The following DISP1 variants were observed in gnomAD, a reference collection of about 807,000 sequenced individuals.
DISP1 encodes the protein protein dispatched homolog 1.
DISP1 carries 30 observed loss-of-function variants against 37.3 expected under a neutral mutation model. The observed-to-expected ratio is 0.80, with a 90% confidence interval of 0.60 to 1.09. The LOEUF is 1.09. Ranked by LOEUF, DISP1 falls within the 50% of genes least tolerant of loss-of-function variation. DISP1 has a pLI of 0.00. For synonymous variants in DISP1, 634 were observed against 690.2 expected, an observed-to-expected ratio of 0.92 and a Z score of 1.28; for missense variants, 1,598 against 1,879.5, an observed-to-expected ratio of 0.85 and a Z score of 2.77.
intron 1 of DISP1, among the ~76,000 whole-genome samples, chr1:222,906,978 A>C (rs1375119033): frequency 6.6e-6 from 1 of 152,156 alleles, no homozygotes; most frequent in Non-Finnish European, 1.5e-5. Context: ...GAAGATTTTG[A>C]CCTTGGTCTT....
In DISP1 at chr1:222,869,524, C is replaced by A. The variant is rs183504852; in HGVS notation, c.-159+54446C>A. On this transcript the variant is annotated intron_variant, in intron 1 of 8. Transcript: ENST00000675850. ...CAAATTAATATCTTTAGTTTGTAAC[C>A]AAGACTTGATTCAAGCACTGCATTT... Among the ~76,000 whole-genome samples, 969 of 151,884 alleles carry A rather than the reference C, an allele frequency of 6.4e-3. 5 individuals carry two copies. The highest frequency in any genetic ancestry group is 9.0e-3 in the Non-Finnish European group (613 of 67,962).
chr1:223,003,150 A>G lies in DISP1; in HGVS notation c.1753A>G (p.Lys585Glu). 5 of 1,614,242 alleles carry G rather than the reference A, an allele frequency of 3.1e-6. No homozygotes were observed. Among genetic ancestry groups the G allele is most frequent in the Non-Finnish European group, 4.2e-6 (5 of 1,180,048 alleles). Residue 585 changes from lysine to glutamate, a missense_variant, in exon 9 of 9, where the codon AAA (lysine) becomes GAA (glutamate). Transcript: ENST00000675850. The surrounding 1 kb of genome is among the most constrained non-coding windows in gnomAD (Gnocchi z 4.3). ...CCTGTGTGATGTTTGGAACTACACAAAATTTGATAAGCCTCATGCCGAAAC... is the reference window on the plus strand; with the variant it reads ...CCTGTGTGATGTTTGGAACTACACAGAATTTGATAAGCCTCATGCCGAAAC... Reference protein sequence around the residue: ...FVLCDVWNYTKFDKPHAETSE... With the variant: ...FVLCDVWNYTEFDKPHAETSE...
At chr1:222,980,805 C>T (rs1677777894) in intron 3 of DISP1, among the ~76,000 whole-genome samples, 1 of 152,212 alleles carries the variant, frequency 6.6e-6, no homozygotes, top group Non-Finnish European at 1.5e-5. Flanking sequence ...AAGTTCTTGG[C>T]TGGGCACAGT....
chr1:222,997,226 GAGATTTATA>G, intron 8 of DISP1, among the ~76,000 whole-genome samples: 1 of 152,104 alleles, frequency 6.6e-6, no homozygotes, highest in East Asian at 1.9e-4. Context: ...AGCTAAGGAT[GAGATTTATA>G]CTAATGCACA....
intron 1 of DISP1, among the ~76,000 whole-genome samples, chr1:222,857,813 T>TA (rs1298149212): frequency 6.6e-6 from 1 of 152,108 alleles, no homozygotes; most frequent in Non-Finnish European, 1.5e-5. Flanking sequence ...ATTCCATGCA[T>TA]ATGGATAGGA....
chr1:222,960,452 C>G (rs1390794624), intron 3 of DISP1, among the ~76,000 whole-genome samples: 1 of 152,150 alleles, frequency 6.6e-6, no homozygotes, highest in Admixed American at 6.5e-5. Context: ...GCTAGAATCT[C>G]TGGGACACAG....
intron 6 of DISP1, 59 bp from the exon 7 acceptor site, chr1:222,991,954 C>A: frequency 1.5e-6 from 2 of 1,338,066 alleles, no homozygotes; most frequent in Non-Finnish European, 2.1e-6. Flanking sequence ...TTCCAGTATG[C>A]TTATCAGCTT....
chr1:222,915,989 A>G (rs933909639), intron 1 of DISP1, among the ~76,000 whole-genome samples: 17 of 152,160 alleles, frequency 1.1e-4, no homozygotes, highest in African/African-American at 4.1e-4. Flanking sequence ...TGTCATGGCA[A>G]TTTTCATTAT....
chr1:222,847,793 AT>A (rs903942418), intron 1 of DISP1, among the ~76,000 whole-genome samples: 1 of 151,488 alleles, frequency 6.6e-6, no homozygotes, highest in Non-Finnish European at 1.5e-5. Flanking sequence ...CTCCCAGTGA[AT>A]TTTTTTTTGA....
At chr1:222,925,434 C>T (rs534278280) in intron 1 of DISP1, among the ~76,000 whole-genome samples, 1 of 152,086 alleles carries the variant, frequency 6.6e-6, no homozygotes, top group South Asian at 2.1e-4. Flanking sequence ...TGTTAAAATA[C>T]CTTCATTTTT....
At chr1:222,816,848 TG>T (rs1661364239) in intron 1 of DISP1, among the ~76,000 whole-genome samples, 1 of 151,398 alleles carries the variant, frequency 6.6e-6, no homozygotes, top group African/African-American at 2.4e-5. Context: ...TGTTAATTTC[TG>T]TATATGTCTC....
intron 1 of DISP1, among the ~76,000 whole-genome samples, chr1:222,909,620 G>A (rs1010528178): frequency 2.6e-5 from 4 of 152,100 alleles, no homozygotes; most frequent in East Asian, 1.9e-4. Context: ...TGAAGTTCTC[G>A]TTTCAACACC....
intron 3 of DISP1, among the ~76,000 whole-genome samples, chr1:222,955,960 T>C (rs1291475293): frequency 1.3e-5 from 2 of 152,240 alleles, no homozygotes; most frequent in African/African-American, 4.8e-5. Flanking sequence ...ATTTGAATGG[T>C]ACAGGGTTGT....
intron 8 of DISP1, among the ~76,000 whole-genome samples, chr1:222,996,214 A>C (rs543240978): frequency 2.0e-5 from 3 of 152,336 alleles, no homozygotes; most frequent in African/African-American, 7.2e-5. Context: ...TACAGCTATC[A>C]GTTCCTTATT....
At chr1:222,932,222 A>G (rs1673443677) in intron 2 of DISP1, among the ~76,000 whole-genome samples, 2 of 151,934 alleles carry the variant, frequency 1.3e-5, no homozygotes, top group South Asian at 4.1e-4. Flanking sequence ...ACTGCATGTT[A>G]AAATCACCCA....
intron 1 of DISP1, among the ~76,000 whole-genome samples, chr1:222,829,087 T>C (rs2125214627): frequency 6.6e-6 from 1 of 152,304 alleles, no homozygotes; most frequent in African/African-American, 2.4e-5. Context: ...AACAGAGGAC[T>C]TCCAAAAAGC....
intron 3 of DISP1, among the ~76,000 whole-genome samples, chr1:222,943,771 G>A (rs1213114386): frequency 2.0e-5 from 3 of 152,192 alleles, no homozygotes; most frequent in African/African-American, 7.2e-5. Flanking sequence ...GCTCATGCCT[G>A]TAATCCCAGC....
intron 1 of DISP1, among the ~76,000 whole-genome samples, chr1:222,819,433 G>A (rs1159763935): frequency 6.6e-6 from 1 of 151,656 alleles, no homozygotes; most frequent in Admixed American, 6.6e-5. Flanking sequence ...TCAAAGAATG[G>A]AAAATGGACA....
At chr1:222,842,143 A>G (rs371586977) in intron 1 of DISP1, among the ~76,000 whole-genome samples, 8 of 152,230 alleles carry the variant, frequency 5.3e-5, no homozygotes, top group African/African-American at 1.9e-4. Flanking sequence ...TTGATAGTTT[A>G]CAAATCAAGG....
Sources: allele counts gnomAD v4.1 joint callset (sites outside exome capture counted in the v4.1 genomes callset), GRCh38; gene constraint gnomAD v4.1.1; non-coding constraint Gnocchi (gnomAD v3.1); transcripts MANE v1.5; gene names NCBI Gene and HGNC (gene_info 2026-07-23, HGNC 2026-07-21).